The following RORB variants were observed in gnomAD, a reference collection of about 807,000 sequenced individuals.
RORB encodes nuclear receptor ROR-beta.
RORB carries 6 observed loss-of-function variants against 59.1 expected under a neutral mutation model. That is an observed-to-expected ratio of 0.10 (90% CI 0.06 to 0.20). The LOEUF is 0.20. Ranked by LOEUF, RORB falls within the 10% of genes least tolerant of loss-of-function variation. The pLI is 1.00. For missense variants in RORB, 320 were observed against 560.5 expected (o/e 0.57, Z 4.33); for synonymous variants, 215 against 204.5 (o/e 1.05, Z -0.44).
chr9:74,605,879 T>C (rs933896534), intron 1 of RORB, among the ~76,000 whole-genome samples: 2 of 152,140 alleles, frequency 1.3e-5, no homozygotes, highest in African/African-American at 4.8e-5. Flanking sequence ...CAGACACAGA[T>C]TGCTATCATG....
chr9:74,653,124 A>G (rs1182925885), intron 4 of RORB, among the ~76,000 whole-genome samples: 1 of 152,192 alleles, frequency 6.6e-6, no homozygotes, highest in Admixed American at 6.5e-5. Context: ...TGTTTTGAAA[A>G]AGGAAAATTG....
rs182370801 is a variant in RORB, at chr9:74,525,650, G to T, written c.7+27667G>T. Among the ~76,000 whole-genome samples the T allele has an allele frequency of 4.0e-5, 6 of 151,898 alleles. No homozygotes were observed. In the East Asian group the frequency reaches 1.2e-3, roughly 30 times the overall value. On this transcript the variant is annotated intron_variant, in intron 1 of 9. Coordinates refer to ENST00000376896, the MANE Select transcript of RORB (RefSeq NM_006914.4). ...CAAGTAGGCAGGTATGTGGGAAACC[G>T]GATTTAAGTTCAGATGTTCCCATGG...
chr9:74,630,413 C>T (rs1011991478), intron 2 of RORB, 46 bp downstream of exon 2: 2 of 1,424,154 alleles, frequency 1.4e-6, no homozygotes, highest in Non-Finnish European at 1.9e-6. Flanking sequence ...CCTCAGGCAT[C>T]TGTGTACCTC....
intron 1 of RORB, among the ~76,000 whole-genome samples, chr9:74,622,828 A>G (rs1427707234): frequency 1.3e-5 from 2 of 152,126 alleles, no homozygotes; most frequent in Middle Eastern, 3.4e-3. Flanking sequence ...CCCAGCCACA[A>G]CCCAGATTCT....
intron 2 of RORB, among the ~76,000 whole-genome samples, chr9:74,630,668 C>T (rs189369142): frequency 2.6e-5 from 4 of 152,104 alleles, no homozygotes; most frequent in Non-Finnish European, 4.4e-5. Flanking sequence ...GTATTGTCTC[C>T]AGTAAATTCC....
chr9:74,637,075 A>C (rs764444277), intron 3 of RORB, among the ~76,000 whole-genome samples: 4 of 152,174 alleles, frequency 2.6e-5, no homozygotes, highest in Non-Finnish European at 5.9e-5. Flanking sequence ...TCTGAGTCAG[A>C]AGAATCCCTA....
At chr9:74,684,375 T>C (rs17060410) in intron 9 of RORB, among the ~76,000 whole-genome samples, 8,898 of 152,280 alleles carry the variant, frequency 0.058, 480 homozygotes, top group East Asian at 0.29. Context: ...TTTTCATCAA[T>C]TTCAAGTGTG....
chr9:74,586,439 A>G (rs1037140106), intron 1 of RORB, among the ~76,000 whole-genome samples: 1 of 152,284 alleles, frequency 6.6e-6, no homozygotes, highest in Middle Eastern at 3.4e-3. Context: ...TGGAGGTTGC[A>G]GTAAGCCTAG....
chr9:74,648,527 A>G (rs1243616882), intron 4 of RORB, among the ~76,000 whole-genome samples: 1 of 152,182 alleles, frequency 6.6e-6, no homozygotes, highest in Non-Finnish European at 1.5e-5. Flanking sequence ...GGGGACTTGG[A>G]AGCAACTAAG....
intron 1 of RORB, among the ~76,000 whole-genome samples, chr9:74,582,245 G>A (rs4437719): frequency 0.17 from 25,485 of 152,132 alleles, 2,158 homozygotes; most frequent in Admixed American, 0.21. Flanking sequence ...CCAAGATTTA[G>A]GATTGAAATT....
chr9:74,500,137 A>AGGCGCCC (rs1310560851), intron 1 of RORB, among the ~76,000 whole-genome samples: 5 of 152,148 alleles, frequency 3.3e-5, no homozygotes, highest in Admixed American at 6.5e-5. Flanking sequence ...CAGCCTCGCC[A>AGGCGCCC]GGCGCCCTAG....
intron 4 of RORB, among the ~76,000 whole-genome samples, chr9:74,659,470 C>T (rs1824144030): frequency 6.6e-6 from 1 of 152,010 alleles, no homozygotes; most frequent in Non-Finnish European, 1.5e-5. Context: ...CTTCAGGGGA[C>T]TCACAGCAGG....
intron 9 of RORB, among the ~76,000 whole-genome samples, chr9:74,681,021 C>G (rs115825728): frequency 6.6e-6 from 1 of 152,038 alleles, no homozygotes; most frequent in African/African-American, 2.4e-5. Flanking sequence ...GCTAAAGCTC[C>G]CTTCTCATAA....
At position 74,612,220 on chromosome 9, in the gene RORB, T is replaced by A. The variant is rs1264844647; in HGVS notation, c.8-18062T>A. ...TTAGGTGTGGGTAATTGGAGCAGAG[T>A]GGAGAGAGGCTGTCAGGAAGTTCAA... On this transcript the variant is annotated intron_variant, in intron 1 of 9. Transcript: ENST00000376896. 2.0e-5 allele frequency among the ~76,000 whole-genome samples: 3 copies of A among 151,486 alleles called. No individual in the cohort carries two copies. The East Asian group carries it at 5.8e-4, about 29-fold the overall frequency.
chr9:74,655,105 C>T (rs1214122880), intron 4 of RORB, among the ~76,000 whole-genome samples: 1 of 152,188 alleles, frequency 6.6e-6, no homozygotes, highest in Non-Finnish European at 1.5e-5. Context: ...ATTATATTAA[C>T]TATCAAAGCA....
At chr9:74,682,938 C>T (rs1011885041) in intron 9 of RORB, among the ~76,000 whole-genome samples, 4 of 152,130 alleles carry the variant, frequency 2.6e-5, no homozygotes, top group Admixed American at 6.6e-5. Flanking sequence ...AAAATTTGAA[C>T]CTCTGAAGCA....
At chr9:74,612,302 G>A (rs1823242628) in intron 1 of RORB, among the ~76,000 whole-genome samples, 4 of 152,126 alleles carry the variant, frequency 2.6e-5, no homozygotes, top group Admixed American at 2.6e-4. Context: ...GGATGGCTCA[G>A]GTGAATGGAT....
chr9:74,518,296 GT>G (rs1563926645), intron 1 of RORB, among the ~76,000 whole-genome samples: 1 of 151,930 alleles, frequency 6.6e-6, no homozygotes, highest in Non-Finnish European at 1.5e-5. Flanking sequence ...GAGGAAGATC[GT>G]TCAAAAACAT....
chr9:74,658,887 A>C (rs1397204811), intron 4 of RORB, among the ~76,000 whole-genome samples: 1 of 152,244 alleles, frequency 6.6e-6, no homozygotes, highest in Non-Finnish European at 1.5e-5. Flanking sequence ...AAGCAGTGCA[A>C]GTCTAGAAAT....
Sources: allele counts gnomAD v4.1 joint callset (sites outside exome capture counted in the v4.1 genomes callset), GRCh38; gene constraint gnomAD v4.1.1; transcripts MANE v1.5; gene names NCBI Gene and HGNC (gene_info 2026-07-23, HGNC 2026-07-21).